Variants in FREM1 observed in about 807,000 individuals in gnomAD.
The protein encoded by FREM1 is FRAS1 related extracellular matrix 1.
A neutral mutation model predicts 210.1 loss-of-function variants in FREM1; 220 were observed. That is an observed-to-expected ratio of 1.05 (90% CI 0.94 to 1.17). The LOEUF is 1.17. Ranked by LOEUF, FREM1 falls within the 50% of genes most tolerant of loss-of-function variation. The pLI, the probability that FREM1 is intolerant of heterozygous loss-of-function variation, is 0.00. For missense variants in FREM1, 3,454 were observed against 2,675.5 expected (o/e 1.29, Z -6.42); for synonymous variants, 1,189 against 980.2 (o/e 1.21, Z -3.98).
At chr9:14,821,880 T>C (rs2779504) in intron 13 of FREM1, among the ~76,000 whole-genome samples, 122,680 of 152,094 alleles carry the variant, frequency 0.81, 49,594 homozygotes, top group East Asian at 0.93. Flanking sequence ...CTTTAAATGT[T>C]GGCAATTCAT....
At chr9:14,845,488 A>G (rs1826437231) in intron 8 of FREM1, among the ~76,000 whole-genome samples, 2 of 152,076 alleles carry the variant, frequency 1.3e-5, no homozygotes, top group Admixed American at 1.3e-4. Context: ...TATTTTCAGT[A>G]GAGACGGAGT....
At position 14,859,335 on chromosome 9, in the gene FREM1, C is replaced by G. The variant is rs758456235; in HGVS notation, c.479G>C (p.Arg160Thr). The change falls in exon 4 of 37, where the codon AGA becomes ACA. Residue 160 changes from arginine to threonine, a missense_variant. Physicochemically the swap from Arg to Thr is moderately conservative, Grantham distance 71. Transcript: ENST00000380880. ...GCTAGCCATCCTATCATAATCGAAT[C>G]TGAGCAGATTTTTATCAATCGCTTG... The part of the protein sequence containing the change: ...LSQAIDKNLL[R>T]FDYDRMASLE... 6.2e-7 allele frequency: 1 copy of G among 1,613,910 alleles called. No individual in the cohort carries two copies. The highest frequency in any genetic ancestry group is 1.1e-5 in the South Asian group (1 of 91,064).
chr9:14,887,047 G>A (rs1307640578), intron 1 of FREM1, among the ~76,000 whole-genome samples: 1 of 151,820 alleles, frequency 6.6e-6, no homozygotes, highest in Non-Finnish European at 1.5e-5. Flanking sequence ...GGTGAATATA[G>A]TTATCCACAG....
In FREM1 at chr9:14,802,748, T is replaced by C. The variant is rs1055282688; in HGVS notation, c.3472-874A>G. On this transcript the variant is annotated intron_variant, in intron 19 of 36. Transcript: ENST00000380880. ...AGTATATAAATTCTACACATGCATATTGGTAATCTGCAATGTTACTATGCT... is the reference window on the plus strand; with the variant it reads ...AGTATATAAATTCTACACATGCATACTGGTAATCTGCAATGTTACTATGCT... Among the ~76,000 whole-genome samples the C allele has an allele frequency of 7.9e-5, 12 of 152,184 alleles. No individual in the cohort carries two copies. The East Asian group carries it at 2.1e-3, about 27-fold the overall frequency.
intron 7 of FREM1, among the ~76,000 whole-genome samples, chr9:14,846,705 C>G (rs998381866): frequency 1.3e-4 from 20 of 152,130 alleles, no homozygotes; most frequent in African/African-American, 4.6e-4. Flanking sequence ...GTACTATTAA[C>G]TCCAATATTA....
intron 10 of FREM1, among the ~76,000 whole-genome samples, chr9:14,840,834 A>G (rs1042813487): frequency 1.3e-5 from 2 of 152,202 alleles, no homozygotes; most frequent in Admixed American, 1.3e-4. Context: ...TCTATATGGC[A>G]ATGTTTGCTT....
At chr9:14,842,274 G>A (rs752734351) in intron 9 of FREM1, 42 bp downstream of exon 9, 42 of 1,245,692 alleles carry the variant, frequency 3.4e-5, no homozygotes, top group East Asian at 2.3e-4. Context: ...CTCTATGGAA[G>A]AGTGAATTCC....
At chr9:14,901,920 C>T (rs551752823) in intron 1 of FREM1, among the ~76,000 whole-genome samples, 46 of 151,954 alleles carry the variant, frequency 3.0e-4, no homozygotes, top group South Asian at 8.3e-4. Flanking sequence ...GGCTTGATCA[C>T]GGATCACTGC....
At chr9:14,776,345 A>G in intron 24 of FREM1, 142 bp from the exon 25 acceptor site, 1 of 888,348 alleles carries the variant, frequency 1.1e-6, no homozygotes, top group Admixed American at 3.3e-5. Context: ...GATCTTGCAG[A>G]AAAATCCCTA....
At position 14,823,408 on chromosome 9, in the gene FREM1, G is replaced by A. The variant is rs546564994; in HGVS notation, c.2170-81C>T. 5.7e-5 allele frequency: 72 copies of A among 1,265,912 alleles called. 2 individuals are homozygous for A. Among genetic ancestry groups the A allele is most frequent in the South Asian group, 2.2e-4 (15 of 67,374 alleles). The allele number at this position is 1,265,912 out of a possible 1,614,324, so 78.4% of individuals were successfully genotyped here. On this transcript the variant is annotated intron_variant, in intron 12 of 36. Transcript: ENST00000380880. ...TTTAGAGGTCCAAGAGAACCATCAT[G>A]TTAATTGATATTGAACACTGTAAAT...
rs1325347084 is a variant in FREM1 at position 14,779,462 on chromosome 9, G to C, written c.4443-3259C>G. On this transcript the variant is annotated intron_variant, in intron 24 of 36. Coordinates refer to ENST00000380880, the MANE Select transcript of FREM1 (RefSeq NM_001379081.2). ...GAGCAACAAACCCAAATGCAAGCTT[G>C]AGTGAGTGCCAGGGACTCCATCAGA... The C allele has an allele frequency of 1.0e-5, 10 of 984,810 alleles. No homozygotes were observed. In the Admixed American group the frequency reaches 2.5e-4, roughly 24 times the overall value. The allele number at this position is 984,810 out of a possible 1,614,324, so 61.0% of individuals were successfully genotyped here.
chr9:14,822,592 G>C (rs964849734), intron 13 of FREM1, among the ~76,000 whole-genome samples: 4 of 152,134 alleles, frequency 2.6e-5, no homozygotes, highest in Non-Finnish European at 5.9e-5. Context: ...GGTAGGTATG[G>C]GACATACTCT....
chr9:14,790,264 A>G (rs910277812), intron 22 of FREM1, among the ~76,000 whole-genome samples: 2 of 152,110 alleles, frequency 1.3e-5, no homozygotes, highest in Non-Finnish European at 2.9e-5. Flanking sequence ...CTCTCTTGCC[A>G]TTGTGCTACC....
intron 27 of FREM1, among the ~76,000 whole-genome samples, chr9:14,767,071 G>C (rs1249001865): frequency 6.6e-6 from 1 of 152,084 alleles, no homozygotes; most frequent in Non-Finnish European, 1.5e-5. Flanking sequence ...ACAAATTGTA[G>C]TATCGCTCCC....
At chr9:14,801,374 T>C (rs920054923) in intron 20 of FREM1, among the ~76,000 whole-genome samples, 10 of 152,222 alleles carry the variant, frequency 6.6e-5, no homozygotes, top group African/African-American at 1.9e-4. Context: ...TGGTGAGAAC[T>C]CTTAAAATCT....
chr9:14,903,897 G>A (rs968174584), intron 1 of FREM1, among the ~76,000 whole-genome samples: 8 of 152,006 alleles, frequency 5.3e-5, no homozygotes, highest in African/African-American at 1.4e-4. Flanking sequence ...CGAGGCGGGC[G>A]GATCACGAGG....
intron 14 of FREM1, 63 bp downstream of exon 14, chr9:14,819,171 C>G: frequency 1.7e-6 from 2 of 1,207,552 alleles, no homozygotes; most frequent in Non-Finnish European, 2.3e-6. Context: ...CTTACTCTGC[C>G]TCACAACTGA....
At chr9:14,868,291 T>C (rs570535013) in intron 2 of FREM1, among the ~76,000 whole-genome samples, 1 of 152,304 alleles carries the variant, frequency 6.6e-6, no homozygotes, top group East Asian at 1.9e-4. Context: ...TTCTCTTACA[T>C]GATGCTTTGC....
chr9:14,867,153 A>G (rs1831678106), intron 2 of FREM1, among the ~76,000 whole-genome samples: 1 of 152,068 alleles, frequency 6.6e-6, no homozygotes. Flanking sequence ...AGCTACTGCA[A>G]CCAGCCTGCA....
Sources: allele counts gnomAD v4.1 joint callset (sites outside exome capture counted in the v4.1 genomes callset), GRCh38; gene constraint gnomAD v4.1.1; transcripts MANE v1.5; gene names NCBI Gene and HGNC (gene_info 2026-07-23, HGNC 2026-07-21).